SORCS1: variants seen among roughly 807,000 people sequenced by gnomAD.
The protein encoded by SORCS1 is sortilin related VPS10 domain containing receptor 1.
SORCS1 carries 60 observed loss-of-function variants against 146.1 expected under a neutral mutation model. The ratio of observed to expected loss-of-function variants is 0.41; its 90% CI spans 0.33 to 0.51. The LOEUF is 0.51. Ranked by LOEUF, SORCS1 falls within the 20% of genes least tolerant of loss-of-function variation. The pLI, the probability that SORCS1 is intolerant of heterozygous loss-of-function variation, is 0.21. For missense variants in SORCS1, 1,352 were observed against 1,487.6 expected, an observed-to-expected ratio of 0.91 and a Z score of 1.50; for synonymous variants, 637 against 584.0, an observed-to-expected ratio of 1.09 and a Z score of -1.31.
At chr10:106,683,993 G>A (rs1852631222) in intron 10 of SORCS1, among the ~76,000 whole-genome samples, 2 of 152,112 alleles carry the variant, frequency 1.3e-5, no homozygotes, top group South Asian at 4.1e-4. Context: ...TGGAAGAAAG[G>A]TGAAAAACAG....
chr10:106,726,359 C>CAAAAAAAAAAAAAAAAAA (rs60801871), intron 6 of SORCS1, among the ~76,000 whole-genome samples: 2 of 43,582 alleles, frequency 4.6e-5, no homozygotes, highest in African/African-American at 9.6e-5. Flanking sequence ...GCTGCCTTCG[C>CAAAAAAAAAAAAAAAAAA]AAAAAAAAAA....
intron 18 of SORCS1, among the ~76,000 whole-genome samples, chr10:106,640,266 C>A (rs1848989278): frequency 6.6e-6 from 1 of 152,124 alleles, no homozygotes; most frequent in Non-Finnish European, 1.5e-5. Context: ...CTTTAGTGCT[C>A]CCATAAGTCT....
intron 5 of SORCS1, among the ~76,000 whole-genome samples, chr10:106,737,559 T>C (rs1857042305): frequency 6.6e-6 from 1 of 152,122 alleles, no homozygotes; most frequent in African/African-American, 2.4e-5. Context: ...ACCCCATCTC[T>C]ACTAAAAATA....
At chr10:106,716,350 A>T (rs1423779039) in intron 6 of SORCS1, among the ~76,000 whole-genome samples, 1 of 152,194 alleles carries the variant, frequency 6.6e-6, no homozygotes, top group Non-Finnish European at 1.5e-5. Flanking sequence ...GAAGGTCATC[A>T]ACCAAGCTCA....
chr10:106,721,401 C>T (rs1203187215), intron 6 of SORCS1, among the ~76,000 whole-genome samples: 1 of 151,148 alleles, frequency 6.6e-6, no homozygotes, highest in Non-Finnish European at 1.5e-5. Context: ...GTATCAATGC[C>T]AAAGGTTTCA....
chr10:106,961,796 A>T (rs1238155594), intron 1 of SORCS1, among the ~76,000 whole-genome samples: 1 of 152,154 alleles, frequency 6.6e-6, no homozygotes, highest in African/African-American at 2.4e-5. Flanking sequence ...CCCACCCCAT[A>T]ATTTGCAAGT....
intron 19 of SORCS1, among the ~76,000 whole-genome samples, chr10:106,621,747 C>CT (rs1174748368): frequency 1.3e-5 from 2 of 151,978 alleles, no homozygotes; most frequent in Admixed American, 6.6e-5. Flanking sequence ...ATTTCAATTT[C>CT]TTTTTTGTTA....
intron 1 of SORCS1, among the ~76,000 whole-genome samples, chr10:107,064,527 C>T (rs1361392976): frequency 6.6e-6 from 1 of 152,198 alleles, no homozygotes; most frequent in Non-Finnish European, 1.5e-5. Context: ...CAGTCTGCTT[C>T]CCATCATGCT....
intron 2 of SORCS1, among the ~76,000 whole-genome samples, chr10:106,889,888 T>TAAAAGA (rs1951160537): frequency 1.4e-5 from 1 of 71,680 alleles, no homozygotes; most frequent in African/African-American, 5.2e-5. Context: ...ACGTCTCAAA[T>TAAAAGA]AAAAAAAAAA....
chr10:106,767,718 T>C (rs1326183475), intron 4 of SORCS1, among the ~76,000 whole-genome samples: 3 of 151,318 alleles, frequency 2.0e-5, no homozygotes, highest in African/African-American at 7.3e-5. Context: ...CTCAAACTCA[T>C]GACCTCAAGA....
intron 1 of SORCS1, among the ~76,000 whole-genome samples, chr10:107,077,777 G>A (rs189811608): frequency 1.6e-4 from 25 of 151,954 alleles, no homozygotes; most frequent in African/African-American, 5.8e-4. Flanking sequence ...ATGCTTTGCT[G>A]CCTCCAGAAA....
chr10:106,784,255 C>T (rs1402962848), intron 3 of SORCS1, among the ~76,000 whole-genome samples: 5 of 151,954 alleles, frequency 3.3e-5, no homozygotes, highest in African/African-American at 1.2e-4. Context: ...GTTAGCTGGG[C>T]GTGGTGGTGG....
At chr10:106,967,085 T>C (rs538573056) in intron 1 of SORCS1, among the ~76,000 whole-genome samples, 4 of 148,462 alleles carry the variant, frequency 2.7e-5, no homozygotes, top group Non-Finnish European at 5.9e-5. Context: ...GGTTCTTCTA[T>C]TTCCCAAGTT....
chr10:106,575,435 G>T lies in SORCS1; in HGVS notation c.*1985C>A, dbSNP rs1844536566. 2 of 152,192 alleles carry T rather than the reference G, an allele frequency of 1.3e-5. No homozygotes were observed. Among genetic ancestry groups the T allele is most frequent in the Admixed American group, 1.3e-4 (2 of 15,284 alleles). The allele number at this position is 152,192 out of a possible 1,614,324, so 9.4% of individuals were successfully genotyped here. ...TATACCCTGTTGGCTTAGGGACATA[G>T]CAAAGAAGGAGGCTGAGCATACTAA... On this transcript the variant is annotated 3_prime_UTR_variant, in exon 26 of 26. Transcript: ENST00000263054.
chr10:106,884,702 T>C (rs893199112), intron 2 of SORCS1, among the ~76,000 whole-genome samples: 15 of 152,166 alleles, frequency 9.9e-5, no homozygotes, highest in African/African-American at 3.6e-4. Flanking sequence ...TCACCAGCGG[T>C]TGTCAATTAG....
At chr10:106,889,502 G>A (rs1951138742) in intron 2 of SORCS1, among the ~76,000 whole-genome samples, 2 of 152,000 alleles carry the variant, frequency 1.3e-5, no homozygotes, top group African/African-American at 4.8e-5. Context: ...GGTGGCTCAT[G>A]CCTGTAATCC....
At chr10:106,604,109 T>C (rs148783659) in intron 23 of SORCS1, among the ~76,000 whole-genome samples, 1 of 152,292 alleles carries the variant, frequency 6.6e-6, no homozygotes, top group East Asian at 1.9e-4. Context: ...TGCTTTCCTA[T>C]GTGTTGGCTT....
intron 9 of SORCS1, among the ~76,000 whole-genome samples, chr10:106,691,195 A>T (rs1408356237): frequency 1.3e-5 from 2 of 152,136 alleles, no homozygotes; most frequent in Admixed American, 6.5e-5. Flanking sequence ...AGTGGAGCTA[A>T]GGGATGGGGT....
intron 2 of SORCS1, among the ~76,000 whole-genome samples, chr10:106,860,274 C>T (rs1395231345): frequency 6.6e-6 from 1 of 152,150 alleles, no homozygotes; most frequent in Admixed American, 6.5e-5. Flanking sequence ...AGGAGAGCAA[C>T]TTATCTTTTT....
Sources: allele counts gnomAD v4.1 joint callset (sites outside exome capture counted in the v4.1 genomes callset), GRCh38; gene constraint gnomAD v4.1.1; transcripts MANE v1.5; gene names NCBI Gene and HGNC (gene_info 2026-07-23, HGNC 2026-07-21).